Variants in STX8 observed in about 807,000 individuals in gnomAD.
STX8 encodes syntaxin 8, also known as syntaxin-8.
A neutral mutation model predicts 37.5 loss-of-function variants in STX8; 23 were observed. That is an observed-to-expected ratio of 0.61 (90% CI 0.44 to 0.87). The LOEUF (loss-of-function observed/expected upper bound fraction) is 0.87. Ranked by LOEUF, STX8 falls within the 40% of genes least tolerant of loss-of-function variation. STX8 has a pLI of 0.00. For missense variants in STX8, 313 were observed against 284.7 expected (o/e 1.10, Z -0.71); for synonymous variants, 115 against 99.1 (o/e 1.16, Z -0.95).
chr17:9,389,687 G>A (rs1309551076), intron 6 of STX8, among the ~76,000 whole-genome samples: 4 of 151,800 alleles, frequency 2.6e-5, no homozygotes, highest in Non-Finnish European at 5.9e-5. Context: ...TACTCATAAC[G>A]GACTCATAAT....
chr17:9,450,327 C>T (rs1195946724), intron 6 of STX8, among the ~76,000 whole-genome samples: 3 of 151,824 alleles, frequency 2.0e-5, no homozygotes, highest in Non-Finnish European at 2.9e-5. Flanking sequence ...CTGCCCGCCT[C>T]GGCCTCCCAA....
chr17:9,528,960 T>C (rs1256586152), intron 4 of STX8, among the ~76,000 whole-genome samples: 5 of 151,350 alleles, frequency 3.3e-5, no homozygotes, highest in African/African-American at 1.2e-4. Context: ...ATAAATGAAG[T>C]GGGGATCGGG....
chr17:9,329,037 C>A (rs536697212), intron 7 of STX8, among the ~76,000 whole-genome samples: 1 of 106,040 alleles, frequency 9.4e-6, no homozygotes, highest in Non-Finnish European at 1.7e-5. Context: ...GCGACAAGAG[C>A]GAGATTCCAT....
At chr17:9,559,760 A>AAATATATTTTTT (rs1907141542) in intron 2 of STX8, among the ~76,000 whole-genome samples, 1 of 24,492 alleles carries the variant, frequency 4.1e-5, no homozygotes, top group Non-Finnish European at 6.2e-5. Context: ...ATATATATAT[A>AAATATATTTTTT]TTTTTTTTTT....
At chr17:9,278,404 A>T (rs1027579820) in intron 7 of STX8, among the ~76,000 whole-genome samples, 2 of 152,038 alleles carry the variant, frequency 1.3e-5, no homozygotes, top group Non-Finnish European at 2.9e-5. Context: ...AGCTGAGATC[A>T]CGCCATTTCA....
intron 4 of STX8, among the ~76,000 whole-genome samples, chr17:9,510,342 C>G (rs1904983801): frequency 6.6e-6 from 1 of 152,154 alleles, no homozygotes; most frequent in Non-Finnish European, 1.5e-5. Flanking sequence ...TTCTTGTCAA[C>G]AGCACATAGA....
intron 4 of STX8, among the ~76,000 whole-genome samples, chr17:9,520,598 A>T (rs556537860): frequency 1.2e-4 from 18 of 152,326 alleles, no homozygotes; most frequent in Non-Finnish European, 2.5e-4. Context: ...ATTTAACCAA[A>T]AAGTTTCACA....
chr17:9,402,125 A>G (rs1912644611), intron 6 of STX8, among the ~76,000 whole-genome samples: 1 of 148,968 alleles, frequency 6.7e-6, no homozygotes, highest in Non-Finnish European at 1.5e-5. Context: ...TTTATTTATT[A>G]TTATTTGTTT....
intron 5 of STX8, among the ~76,000 whole-genome samples, chr17:9,504,454 G>A (rs1029051122): frequency 2.0e-5 from 3 of 151,788 alleles, no homozygotes; most frequent in African/African-American, 7.3e-5. Context: ...ATTCCCAGTC[G>A]TGAAGCTAAA....
chr17:9,514,191 A>G (rs113179754), intron 4 of STX8, among the ~76,000 whole-genome samples: 48 of 152,320 alleles, frequency 3.2e-4, no homozygotes, highest in African/African-American at 1.1e-3. Context: ...AACACAAAGA[A>G]ATGAAAAATG....
At position 9,424,231 on chromosome 17, in the gene STX8, C is replaced by T. The variant is rs117235239; in HGVS notation, c.542-45578G>A. ...GACAAGAGAATAACAGCAGGGTGGCCGGGCAGCCAGGCATTTTTGCATCCG... is the reference window on the plus strand; with the variant it reads ...GACAAGAGAATAACAGCAGGGTGGCTGGGCAGCCAGGCATTTTTGCATCCG... On this transcript the variant is annotated intron_variant, in intron 6 of 7. Transcript: ENST00000306357. Among the ~76,000 whole-genome samples the T allele has an allele frequency of 3.7e-4, 56 of 152,166 alleles. No homozygotes were observed. The East Asian group carries it at 5.8e-3, about 16-fold the overall frequency.
intron 7 of STX8, among the ~76,000 whole-genome samples, chr17:9,372,173 T>G (rs113809736): frequency 0.023 from 3,515 of 152,288 alleles, 137 homozygotes; most frequent in African/African-American, 0.079. Context: ...CAAATTCACA[T>G]GTGGGCCTTT....
chr17:9,295,352 A>T (rs575519064), intron 7 of STX8, among the ~76,000 whole-genome samples: 1 of 152,340 alleles, frequency 6.6e-6, no homozygotes, highest in Admixed American at 6.5e-5. Context: ...AGACCACCTT[A>T]GTCAACTTTA....
chr17:9,311,395 CAGAA>C (rs1375389959), intron 7 of STX8, among the ~76,000 whole-genome samples: 2 of 152,122 alleles, frequency 1.3e-5, no homozygotes, highest in South Asian at 2.1e-4. Context: ...GAAAGTAAGA[CAGAA>C]AGAAACAATT....
intron 4 of STX8, among the ~76,000 whole-genome samples, chr17:9,531,606 T>G (rs191144723): frequency 6.6e-6 from 1 of 152,346 alleles, no homozygotes; most frequent in Admixed American, 6.5e-5. Flanking sequence ...CATGGGTATA[T>G]ATTCACAAGT....
At chr17:9,293,009 T>G (rs1265620095) in intron 7 of STX8, among the ~76,000 whole-genome samples, 1 of 152,236 alleles carries the variant, frequency 6.6e-6, no homozygotes, top group Admixed American at 6.5e-5. Context: ...TCCGGTATCA[T>G]CATGGATACT....
intron 4 of STX8, among the ~76,000 whole-genome samples, chr17:9,536,890 C>T (rs1209186264): frequency 6.6e-6 from 1 of 152,050 alleles, no homozygotes; most frequent in East Asian, 1.9e-4. Context: ...ATTACAAGCG[C>T]CCGCCACCAT....
chr17:9,425,111 T>A (rs1913579236), intron 6 of STX8, among the ~76,000 whole-genome samples: 1 of 152,206 alleles, frequency 6.6e-6, no homozygotes, highest in African/African-American at 2.4e-5. Flanking sequence ...TAAGAAAAAG[T>A]ATATTTTTCA....
chr17:9,349,931 C>G (rs1047354097), intron 7 of STX8, among the ~76,000 whole-genome samples: 1 of 152,060 alleles, frequency 6.6e-6, no homozygotes, highest in Non-Finnish European at 1.5e-5. Context: ...GAGATGGGGT[C>G]TGACTATGTT....
Sources: allele counts gnomAD v4.1 joint callset (sites outside exome capture counted in the v4.1 genomes callset), GRCh38; gene constraint gnomAD v4.1.1; transcripts MANE v1.5; gene names NCBI Gene and HGNC (gene_info 2026-07-23, HGNC 2026-07-21).